Variants in RIMS1 observed in about 807,000 individuals in gnomAD.
RIMS1 encodes the protein regulating synaptic membrane exocytosis 1.
In RIMS1, 83 loss-of-function variants were observed where a neutral mutation model predicts 214.1. The ratio of observed to expected loss-of-function variants is 0.39; its 90% CI spans 0.32 to 0.47. The LOEUF is 0.47. Ranked by LOEUF, RIMS1 falls within the 20% of genes least tolerant of loss-of-function variation. The probability of loss-of-function intolerance (pLI) is 0.99; values close to 1 mark genes in which losing one functional copy is unlikely to be tolerated. For missense variants in RIMS1, 2,050 were observed against 2,161.8 expected, an observed-to-expected ratio of 0.95 and a Z score of 1.03; for synonymous variants, 793 against 786.8, an observed-to-expected ratio of 1.01 and a Z score of -0.13.
At chr6:72,325,448 T>C (rs2096410862) in intron 28 of RIMS1, among the ~76,000 whole-genome samples, 1 of 150,790 alleles carries the variant, frequency 6.6e-6, no homozygotes, top group African/African-American at 2.4e-5. Flanking sequence ...TAGAAGTCTA[T>C]ATAAATATAT....
chr6:72,233,739 C>T (rs1247045014), intron 6 of RIMS1, 34 bp from the exon 7 acceptor site: 9 of 1,441,598 alleles, frequency 6.2e-6, no homozygotes, highest in Non-Finnish European at 6.7e-6. Flanking sequence ...CTCTTTAATA[C>T]CATTACACTT....
intron 1 of RIMS1, among the ~76,000 whole-genome samples, chr6:71,902,168 G>A (rs1348845859): frequency 6.6e-6 from 1 of 152,066 alleles, no homozygotes; most frequent in Non-Finnish European, 1.5e-5. Context: ...ATTTTGTGAC[G>A]GGAAAGAAAA....
At chr6:72,229,078 T>C (rs563539852) in intron 6 of RIMS1, among the ~76,000 whole-genome samples, 1 of 151,932 alleles carries the variant, frequency 6.6e-6, no homozygotes, top group African/African-American at 2.4e-5. Flanking sequence ...AACCAGAAAT[T>C]TGATTTTAAG....
chr6:72,377,863 C>T (rs1248811320), intron 29 of RIMS1, among the ~76,000 whole-genome samples: 2 of 152,162 alleles, frequency 1.3e-5, no homozygotes, highest in Non-Finnish European at 2.9e-5. Context: ...TTCCTTGTAA[C>T]ATTTAACTAC....
chr6:72,063,278 C>T (rs750684678), intron 2 of RIMS1, among the ~76,000 whole-genome samples: 92 of 152,124 alleles, frequency 6.0e-4, no homozygotes, highest in Non-Finnish European at 1.0e-3. Context: ...GCAAAGCAGG[C>T]TCCAGTGGTC....
intron 2 of RIMS1, among the ~76,000 whole-genome samples, chr6:72,046,343 A>G (rs1043398551): frequency 4.6e-5 from 7 of 152,136 alleles, no homozygotes; most frequent in African/African-American, 1.7e-4. Context: ...TGTTGGGGGA[A>G]GGTGTTGACA....
At chr6:72,196,071 A>G (rs1167092497) in intron 6 of RIMS1, among the ~76,000 whole-genome samples, 17 of 152,114 alleles carry the variant, frequency 1.1e-4, no homozygotes. Flanking sequence ...ATTACAATTC[A>G]AGATGAGATT....
intron 19 of RIMS1, chr6:72,263,268 CT>C: frequency 1.0e-6 from 1 of 985,024 alleles, no homozygotes; most frequent in Non-Finnish European, 1.2e-6. Flanking sequence ...ATTTCCCAAC[CT>C]TTTTTTAGTA....
intron 29 of RIMS1, among the ~76,000 whole-genome samples, chr6:72,345,587 C>T (rs1312949703): frequency 6.6e-6 from 1 of 151,794 alleles, no homozygotes; most frequent in Non-Finnish European, 1.5e-5. Flanking sequence ...TGTATGTTCA[C>T]ACAGAGAGAT....
chr6:72,264,396 T>C (rs1311452718), intron 19 of RIMS1, among the ~76,000 whole-genome samples: 1 of 152,080 alleles, frequency 6.6e-6, no homozygotes, highest in Non-Finnish European at 1.5e-5. Flanking sequence ...CAAAGGAAAA[T>C]TTCCTGTGGT....
intron 29 of RIMS1, among the ~76,000 whole-genome samples, chr6:72,373,079 C>T (rs2098268876): frequency 6.6e-6 from 1 of 152,196 alleles, no homozygotes; most frequent in African/African-American, 2.4e-5. Context: ...TAAGTAACCA[C>T]AGGCTAAGGG....
intron 2 of RIMS1, among the ~76,000 whole-genome samples, chr6:72,042,811 A>G (rs563052164): frequency 6.6e-6 from 1 of 151,822 alleles, no homozygotes; most frequent in Non-Finnish European, 1.5e-5. Context: ...CACGATAAAA[A>G]CTTAAAAATG....
At chr6:71,904,459 G>A (rs1774673068) in intron 1 of RIMS1, among the ~76,000 whole-genome samples, 1 of 152,118 alleles carries the variant, frequency 6.6e-6, no homozygotes. Flanking sequence ...GCTGCCTGGG[G>A]AAGAGGATCT....
intron 4 of RIMS1, among the ~76,000 whole-genome samples, chr6:72,140,892 T>TA (rs2042003055): frequency 6.6e-6 from 1 of 152,058 alleles, no homozygotes; most frequent in Non-Finnish European, 1.5e-5. Context: ...ATAGTTTTCC[T>TA]AAGGGTTTGG....
chr6:71,892,281 A>G (rs1343628493), intron 1 of RIMS1, among the ~76,000 whole-genome samples: 2 of 152,224 alleles, frequency 1.3e-5, no homozygotes, highest in African/African-American at 4.8e-5. Context: ...TGGATGCTTT[A>G]CAAATTTTAC....
At chr6:71,917,374 G>T (rs1275525368) in intron 1 of RIMS1, among the ~76,000 whole-genome samples, 1 of 152,112 alleles carries the variant, frequency 6.6e-6, no homozygotes, top group Non-Finnish European at 1.5e-5. Flanking sequence ...AAACCTGAAT[G>T]AAACAGAGAA....
chr6:72,226,143 GTA>G (rs1319922554), intron 6 of RIMS1, among the ~76,000 whole-genome samples: 1 of 152,034 alleles, frequency 6.6e-6, no homozygotes, highest in Non-Finnish European at 1.5e-5. Context: ...GCATGTGTGT[GTA>G]TGTGTTTGTG....
At chr6:71,910,503 T>C (rs1776559158) in intron 1 of RIMS1, among the ~76,000 whole-genome samples, 1 of 152,192 alleles carries the variant, frequency 6.6e-6, no homozygotes, top group Non-Finnish European at 1.5e-5. Context: ...TTATGAATAC[T>C]GTCCAAATTT....
At chr6:72,066,486 C>A (rs901113429) in intron 2 of RIMS1, among the ~76,000 whole-genome samples, 11 of 152,134 alleles carry the variant, frequency 7.2e-5, no homozygotes, top group Non-Finnish European at 1.3e-4. Context: ...ATCTCCTCGG[C>A]CAACCCAAAT....
Sources: allele counts gnomAD v4.1 joint callset (sites outside exome capture counted in the v4.1 genomes callset), GRCh38; gene constraint gnomAD v4.1.1; transcripts MANE v1.5; gene names NCBI Gene and HGNC (gene_info 2026-07-23, HGNC 2026-07-21).